The following UTP20 variants were observed in gnomAD, a reference collection of about 807,000 sequenced individuals.
The protein encoded by UTP20 is UTP20 small subunit processome component.
A neutral mutation model predicts 329.5 loss-of-function variants in UTP20; 164 were observed. The observed-to-expected ratio is 0.50, with a 90% CI of 0.44 to 0.57. The LOEUF (loss-of-function observed/expected upper bound fraction) is 0.57. UTP20 is among the 20% of genes least tolerant of loss of function. UTP20 has a pLI of 0.00. For synonymous variants in UTP20, 1,151 were observed against 1,159.3 expected, an observed-to-expected ratio of 0.99 and a Z score of 0.14; for missense variants, 3,055 against 3,284.2, an observed-to-expected ratio of 0.93 and a Z score of 1.71.
rs199815086 is a variant in UTP20 at position 101,329,399 on chromosome 12, C to G, written c.3367C>G (p.Leu1123Val). 151 of 1,613,984 alleles carry G rather than the reference C, an allele frequency of 9.4e-5. No homozygotes were observed. In the Middle Eastern group the frequency reaches 1.6e-3, roughly 18 times the overall value. Reference sequence around the variant, plus strand: ...ATACCTGCCGAAGATTTTGCAGATACTGCTCTGTATGACAGCAACCGTATC... The same window carrying G: ...ATACCTGCCGAAGATTTTGCAGATAGTGCTCTGTATGACAGCAACCGTATC... ...SAYLPKILQI[L>V]LCMTATVSHI... Residue 1123 changes from leucine to valine, a missense_variant, in exon 27 of 62, where the codon CTG (leucine) becomes GTG (valine). This residue lies in a region of UTP20 where 2,445 missense variants were observed against 2,575.5 expected (regional missense o/e 0.95). Transcript: ENST00000261637.
At chr12:101,348,721 G>GTGTT (rs1869414225) in intron 38 of UTP20, among the ~76,000 whole-genome samples, 3 of 136,658 alleles carry the variant, frequency 2.2e-5, no homozygotes, top group African/African-American at 7.9e-5. Context: ...TTTTTTGTGT[G>GTGTT]TATGTGAGTT....
chr12:101,380,539 A>G (rs1456545453), intron 57 of UTP20, among the ~76,000 whole-genome samples: 2 of 152,142 alleles, frequency 1.3e-5, no homozygotes, highest in Non-Finnish European at 2.9e-5. Context: ...AGAAAAAAAT[A>G]TTGGACTGTA....
chr12:101,310,577 C>CAAAAAAAAAAAAAAAAAAAAAAAAAAAA (rs549641642), intron 19 of UTP20, among the ~76,000 whole-genome samples: 8 of 44,358 alleles, frequency 1.8e-4, no homozygotes, highest in Non-Finnish European at 2.0e-4. Context: ...CTCTGTCTCC[C>CAAAAAAAAAAAAAAAAAAAAAAAAAAAA]AAAAAAAAAA....
Position 101,340,581 on chromosome 12 carries a change from C to T in UTP20, c.4072C>T (p.Pro1358Ser). ...QSSVLITLLL[P>S]FLHRGNIAED... The stretch of plus-strand genomic sequence containing the variant: ...TTCTGTACTCATTACGCTTCTCCTT[C>T]CATTCCTCCACCGTGGCAATATTGC... The change falls in exon 32 of 62, where the codon CCA becomes TCA. Residue 1358 changes from proline to serine, a missense_variant. Physicochemically the swap from Pro to Ser is moderately conservative, Grantham distance 74 (BLOSUM62 -1). Around this residue, in one of 3 missense-constraint regions of UTP20, gnomAD observed 2,445 missense variants for 2,575.5 expected, o/e 0.95. Transcript: ENST00000261637. The T allele has an allele frequency of 4.3e-6, 7 of 1,611,872 alleles. No homozygotes were observed. In the South Asian group the frequency reaches 7.7e-5, roughly 18 times the overall value.
At chr12:101,293,134 G>A (rs775928271) in intron 10 of UTP20, 34 bp from the exon 11 acceptor site, 2 of 1,594,948 alleles carry the variant, frequency 1.3e-6, no homozygotes, top group African/African-American at 2.7e-5. Flanking sequence ...TACTCTCTGT[G>A]TACTTACATT....
In UTP20 at chr12:101,286,390, TATC is replaced by T. The variant is rs1472536607; in HGVS notation, c.398_400del (p.Ile133del). ...CACACTTTCCAGAGTTTTTTTTGAC[TATC>T]ACCTCGATCCTGGAGACTCAGGACA... On this transcript the variant is annotated inframe_deletion, in exon 5 of 62. Coordinates refer to ENST00000261637, the MANE Select transcript of UTP20 (RefSeq NM_014503.3). 6.2e-7 allele frequency: 1 copy of T among 1,613,850 alleles called. No individual in the cohort carries two copies. The highest frequency in any genetic ancestry group is 1.1e-5 in the South Asian group (1 of 91,052).
rs191865045 is a variant in UTP20 at position 101,336,295 on chromosome 12, A to T, written c.3642-1756A>T. ...TCAATGGGAATGTTACTTTTTAATT[A>T]AAAAAATTTAGATTTTGAAGTGTAG... On this transcript the variant is annotated intron_variant, in intron 29 of 61. Transcript: ENST00000261637. 4.7e-4 allele frequency among the ~76,000 whole-genome samples: 71 copies of T among 152,296 alleles called. 1 individual carries two copies. Among genetic ancestry groups the T allele is most frequent in the African/African-American group, 1.7e-3 (70 of 41,572 alleles).
chr12:101,316,435 G>A (rs907939785), intron 21 of UTP20, among the ~76,000 whole-genome samples: 1 of 152,196 alleles, frequency 6.6e-6, no homozygotes, highest in Non-Finnish European at 1.5e-5. Context: ...GTGGATGATG[G>A]TGCAGTTTGT....
At position 101,285,631 on chromosome 12, in the gene UTP20, A is replaced by C; in HGVS notation, c.188A>C (p.His63Pro). The change falls in exon 3 of 62, where the codon CAC becomes CCC. Residue 63 changes from histidine to proline, a missense_variant. Transcript: ENST00000261637. Reference sequence around the variant, plus strand: ...TGGAGAGAATTAAACCTCACAGAACACTTCGGTATTTTCTATTTCGTTTCT... The same window carrying C: ...TGGAGAGAATTAAACCTCACAGAACCCTTCGGTATTTTCTATTTCGTTTCT... ...LKWRELNLTEHFGKFYKEVID... is the reference protein window; with the variant it reads ...LKWRELNLTEPFGKFYKEVID... The C allele has an allele frequency of 6.2e-7, 1 of 1,613,834 alleles. No homozygotes were observed. Among genetic ancestry groups the C allele is most frequent in the Non-Finnish European group, 8.5e-7 (1 of 1,179,844 alleles).
Position 101,386,211 on chromosome 12 carries a change from CGTTTT to C in UTP20, c.*89_*93del. 8.7e-7 allele frequency: 1 copy of C among 1,153,296 alleles called. No homozygotes were observed. The highest frequency in any genetic ancestry group is 1.5e-5 in the South Asian group (1 of 66,482). The allele number at this position is 1,153,296 out of a possible 1,614,324, so 71.4% of individuals were successfully genotyped here. A position where few individuals can be genotyped will look rare whatever the true frequency, so the allele number is the denominator to read the frequency against. On this transcript the variant is annotated 3_prime_UTR_variant, in exon 62 of 62. Coordinates refer to ENST00000261637, the MANE Select transcript of UTP20 (RefSeq NM_014503.3). ...TAGGTTGTCTGGGGTAGGGGGGAGG[CGTTTT>C]TTTTTTTTTTTGAGACAAGGTCTCA... is the stretch of plus-strand genomic sequence containing the variant.
At chr12:101,313,755 A>C (rs1872872761) in intron 21 of UTP20, among the ~76,000 whole-genome samples, 1 of 149,240 alleles carries the variant, frequency 6.7e-6, no homozygotes, top group Non-Finnish European at 1.5e-5. Flanking sequence ...GAGGGAAGGA[A>C]TGGGGGAGGG....
intron 21 of UTP20, among the ~76,000 whole-genome samples, chr12:101,314,522 G>A (rs1415786071): frequency 6.6e-6 from 1 of 152,026 alleles, no homozygotes; most frequent in Admixed American, 6.6e-5. Context: ...GCTAGGCGTG[G>A]TGGTGGGTGC....
chr12:101,320,279 C>A (rs1049745699), intron 23 of UTP20, among the ~76,000 whole-genome samples: 6 of 152,110 alleles, frequency 3.9e-5, no homozygotes, highest in Non-Finnish European at 5.9e-5. Context: ...CACCAGGCTG[C>A]ACACAGTAGC....
At chr12:101,370,998 C>A in intron 50 of UTP20, 60 bp from the exon 51 acceptor site, 1 of 1,460,184 alleles carries the variant, frequency 6.8e-7, no homozygotes, top group Non-Finnish European at 9.5e-7. Flanking sequence ...GTCAAATCTG[C>A]TTCCACGCAT....
chr12:101,298,715 A>T (rs1183566191), intron 12 of UTP20, among the ~76,000 whole-genome samples: 2 of 152,192 alleles, frequency 1.3e-5, no homozygotes, highest in East Asian at 1.9e-4. Flanking sequence ...AGTCATGATT[A>T]TTACTAAAAA....
At chr12:101,368,580 G>C (rs1391838295) in intron 48 of UTP20, among the ~76,000 whole-genome samples, 4 of 151,982 alleles carry the variant, frequency 2.6e-5, no homozygotes, top group Non-Finnish European at 5.9e-5. Flanking sequence ...GTATGTCACT[G>C]GATCCTCACA....
intron 16 of UTP20, among the ~76,000 whole-genome samples, chr12:101,306,435 CAACTT>C (rs974650474): frequency 1.3e-5 from 2 of 152,072 alleles, no homozygotes; most frequent in Non-Finnish European, 1.5e-5. Flanking sequence ...ATTGAATTGA[CAACTT>C]AATCAACTTC....
At chr12:101,374,645 A>G (rs1870412380) in intron 54 of UTP20, among the ~76,000 whole-genome samples, 163 bp from the exon 55 acceptor site, 1 of 152,232 alleles carries the variant, frequency 6.6e-6, no homozygotes, top group African/African-American at 2.4e-5. Context: ...CACATTTTGT[A>G]TATTGGCCAT....
At position 101,337,824 on chromosome 12, in the gene UTP20, G is replaced by A. The variant is rs184541224; in HGVS notation, c.3642-227G>A. Among the ~76,000 whole-genome samples the A allele has an allele frequency of 1.6e-4, 24 of 152,202 alleles. No homozygotes were observed. The South Asian group carries it at 3.7e-3, about 24-fold the overall frequency. The stretch of plus-strand genomic sequence containing the variant: ...GATAATGATACGACCACATAGAAAC[G>A]TTGTGAGAATTAAATGAGAAATATA... On this transcript the variant is annotated intron_variant, in intron 29 of 61. Coordinates refer to ENST00000261637, the MANE Select transcript of UTP20 (RefSeq NM_014503.3).
Sources: gnomAD v4.1 joint callset for allele counts (sites outside exome capture counted in the v4.1 genomes callset) on GRCh38, gnomAD v4.1.1 for gene constraint, gnomAD v4.1.1 regional missense constraint, MANE v1.5 for transcripts, NCBI Gene and HGNC (gene_info 2026-07-23, HGNC 2026-07-21) for gene names.